Variants in COL18A1 observed in about 807,000 individuals in gnomAD.
COL18A1 encodes collagen type XVIII alpha 1 chain, also known as collagen alpha-1(XVIII) chain.
Under a neutral mutation model 168.0 loss-of-function variants are expected in COL18A1, and 133 were observed. That is an observed-to-expected ratio of 0.79 (90% CI 0.69 to 0.91). The LOEUF (loss-of-function observed/expected upper bound fraction) is 0.91. COL18A1 is among the 40% of genes least tolerant of loss of function. COL18A1 has a pLI of 0.00. For missense variants in COL18A1, 2,126 were observed against 1,925.4 expected, an observed-to-expected ratio of 1.10 and a Z score of -1.95; for synonymous variants, 949 against 809.0, an observed-to-expected ratio of 1.17 and a Z score of -2.94.
intron 2 of COL18A1, among the ~76,000 whole-genome samples, chr21:45,432,543 C>T (rs1569284992): frequency 6.6e-6 from 1 of 152,266 alleles, no homozygotes; most frequent in African/African-American, 2.4e-5. Context: ...TTTCATCACC[C>T]ACTTTTTGGG....
rs746342887 is a variant in COL18A1 at position 45,422,527 on chromosome 21, G to A, written c.106+17054G>A. 1.9e-5 allele frequency: 10 copies of A among 522,482 alleles called. No individual in the cohort carries two copies. In the East Asian group the frequency reaches 2.2e-4, roughly 12 times the overall value. 32.4% of individuals were successfully genotyped at this position (522,482 alleles called of 1,614,324 possible). A position where few individuals can be genotyped will look rare whatever the true frequency, so the allele number is the denominator to read the frequency against. On this transcript the variant is annotated intron_variant, in intron 2 of 41. Coordinates refer to ENST00000651438, the MANE Select transcript of COL18A1 (RefSeq NM_001379500.1). ...GTGGCTGCCTGGCCTGACGCACCTCGCGCCGTGCCAGGACCCGGGCAGGGC... is the reference window on the plus strand; with the variant it reads ...GTGGCTGCCTGGCCTGACGCACCTCACGCCGTGCCAGGACCCGGGCAGGGC...
At chr21:45,506,413 G>T (rs765855148) in intron 37 of COL18A1, 11 of 323,652 alleles carry the variant, frequency 3.4e-5, no homozygotes, top group Non-Finnish European at 5.4e-5. Context: ...GGGATGAAAT[G>T]CATCCTCTCT....
chr21:45,465,169 C>T (rs1036389069), intron 2 of COL18A1, among the ~76,000 whole-genome samples: 5 of 152,226 alleles, frequency 3.3e-5, no homozygotes, highest in South Asian at 4.1e-4. Context: ...TAACAGATGA[C>T]CCTGCAGACA....
chr21:45,495,399 G>T lies in COL18A1; in HGVS notation c.2475G>T (p.Glu825Asp). The change falls in exon 29 of 42, where the codon GAG becomes GAT. Residue 825 changes from glutamate (E) to aspartate (D), a missense_variant. By Grantham distance (45) the Glu-to-Asp change is conservative. Transcript: ENST00000651438. ...GMNGLKGEKGEPGDASLGFGM... is the reference protein window; with the variant it reads ...GMNGLKGEKGDPGDASLGFGM... ...ACGGATTGAAAGGAGAGAAAGGGGA[G>T]CCGGGAGATGCCAGCCTTGGATTTG... 6.2e-7 allele frequency: 1 copy of T among 1,611,714 alleles called. No individual in the cohort carries two copies. Among genetic ancestry groups the T allele is most frequent in the Non-Finnish European group, 8.5e-7 (1 of 1,179,042 alleles).
At chr21:45,422,215 T>C (rs1189535704) in intron 2 of COL18A1, among the ~76,000 whole-genome samples, 1 of 151,858 alleles carries the variant, frequency 6.6e-6, no homozygotes, top group Non-Finnish European at 1.5e-5. Context: ...CACTGTGAGG[T>C]TTAATCTCAG....
At chr21:45,410,274 C>G (rs1312006952) in intron 2 of COL18A1, among the ~76,000 whole-genome samples, 1 of 152,256 alleles carries the variant, frequency 6.6e-6, no homozygotes, top group Non-Finnish European at 1.5e-5. Flanking sequence ...CTGTGGGCCC[C>G]TCGTTCCCAC....
intron 2 of COL18A1, chr21:45,422,477 AG>A (rs769106430): frequency 1.9e-6 from 1 of 530,012 alleles, no homozygotes; most frequent in South Asian, 1.4e-5. Context: ...AATAGATGGC[AG>A]AAGCCAGGAG....
chr21:45,472,756 G>A (rs541405641), intron 3 of COL18A1, among the ~76,000 whole-genome samples: 6 of 152,154 alleles, frequency 3.9e-5, no homozygotes, highest in Non-Finnish European at 8.8e-5. Context: ...CCGCTGGTGC[G>A]TTTTGTGGGA....
At chr21:45,459,041 G>A (rs137999111) in intron 2 of COL18A1, among the ~76,000 whole-genome samples, 126 of 152,338 alleles carry the variant, frequency 8.3e-4, no homozygotes, top group African/African-American at 2.9e-3. Flanking sequence ...GTCCCCGTGC[G>A]AGGGAGGCCG....
intron 41 of COL18A1, among the ~76,000 whole-genome samples, chr21:45,511,859 G>T (rs987668472): frequency 1.3e-5 from 2 of 152,196 alleles, no homozygotes; most frequent in Non-Finnish European, 2.9e-5. Context: ...CCCGGGAGGC[G>T]GAGCTGGTTC....
Position 45,490,272 on chromosome 21 carries a change from C to G in COL18A1, c.1960-3C>G. The G allele has an allele frequency of 6.3e-7, 1 of 1,579,560 alleles. No individual in the cohort carries two copies. The highest frequency in any genetic ancestry group is 8.6e-7 in the Non-Finnish European group (1 of 1,163,442). Reference sequence around the variant, plus strand: ...CCCTGCGTCCTCCATGTGACCCTTTCAGGGAGAAGTTGGAGCAGATGGAGT... The same window carrying G: ...CCCTGCGTCCTCCATGTGACCCTTTGAGGGAGAAGTTGGAGCAGATGGAGT... On this transcript the variant is annotated splice_polypyrimidine_tract_variant and splice_region_variant and intron_variant, in intron 19 of 41. Transcript: ENST00000651438.
chr21:45,504,578 C>T (rs565497967), intron 34 of COL18A1, 22 bp downstream of exon 34: 4 of 1,559,126 alleles, frequency 2.6e-6, no homozygotes, highest in African/African-American at 1.4e-5. Context: ...CCTGTGCAGG[C>T]AGAGCCCATG....
chr21:45,452,745 CGT>C (rs546637711), intron 2 of COL18A1, among the ~76,000 whole-genome samples: 6 of 145,264 alleles, frequency 4.1e-5, no homozygotes, highest in African/African-American at 1.0e-4. Context: ...CATATATGTA[CGT>C]GTGATTGTGT....
At chr21:45,501,374 C>T (rs2036813489) in intron 32 of COL18A1, among the ~76,000 whole-genome samples, 1 of 152,092 alleles carries the variant, frequency 6.6e-6, no homozygotes, top group Non-Finnish European at 1.5e-5. Context: ...GGTCTCCAGG[C>T]CACGTCCCCA....
At position 45,511,287 on chromosome 21, in the gene COL18A1, G is replaced by A. The variant is rs955308617; in HGVS notation, c.3809+61G>A. ...CCCCAGCCAGGGAAGGCGGGCGGGC[G>A]GGCTCCTATCTGCAGTTTCCCCCCG... On this transcript the variant is annotated intron_variant, in intron 41 of 41. Transcript: ENST00000651438. 5.2e-5 allele frequency: 47 copies of A among 905,460 alleles called. No homozygotes were observed. The East Asian group carries it at 5.5e-4, about 11-fold the overall frequency. 56.1% of individuals were successfully genotyped at this position (905,460 alleles called of 1,614,324 possible).
rs538810034 is a variant in COL18A1 at position 45,446,282 on chromosome 21, C to T, written c.107-21960C>T. ...AACCCTCAGTTCCACTGCACCGATGCGTGTGTCTGTCCTTGCGCCACTCCC... is the reference window on the plus strand; with the variant it reads ...AACCCTCAGTTCCACTGCACCGATGTGTGTGTCTGTCCTTGCGCCACTCCC... On this transcript the variant is annotated intron_variant, in intron 2 of 41. Transcript: ENST00000651438. Among the ~76,000 whole-genome samples, 22 of 152,332 alleles carry T rather than the reference C, an allele frequency of 1.4e-4. No individual in the cohort carries two copies. In the East Asian group the frequency reaches 2.5e-3, roughly 17 times the overall value.
intron 38 of COL18A1, among the ~76,000 whole-genome samples, chr21:45,508,125 G>A (rs73370874): frequency 0.016 from 2,448 of 151,256 alleles, 60 homozygotes; most frequent in African/African-American, 0.057. Context: ...GTGAGTGGAC[G>A]GGTGGGTGGG....
rs1475466145 is a variant in COL18A1 at position 45,497,600 on chromosome 21, G to A, written c.2622G>A (p.Gly874=). Residue 874 remains glycine, a splice_region_variant and synonymous_variant, in exon 32 of 42, where the codon GGG becomes GGA. Coordinates refer to ENST00000651438, the MANE Select transcript of COL18A1 (RefSeq NM_001379500.1). ...GGCACTGGGTCTCTCTTCCTCCAGG[G>A]AATCAGGGCCCTCCAGGACCCAAGG... ...SSRPGPPGLP[G]NQGPPGPKGA... The A allele has an allele frequency of 1.3e-6, 2 of 1,561,124 alleles. No homozygotes were observed. The highest frequency in any genetic ancestry group is 2.4e-5 in the East Asian group (1 of 41,626).
chr21:45,488,935 G>A (rs2036206008), intron 18 of COL18A1, among the ~76,000 whole-genome samples: 1 of 151,974 alleles, frequency 6.6e-6, no homozygotes, highest in Non-Finnish European at 1.5e-5. Flanking sequence ...AGCTCCCAGG[G>A]CAGGTGCCTG....
Sources: gnomAD v4.1 joint callset for allele counts (sites outside exome capture counted in the v4.1 genomes callset) on GRCh38, gnomAD v4.1.1 for gene constraint, MANE v1.5 for transcripts, NCBI Gene and HGNC (gene_info 2026-07-23, HGNC 2026-07-21) for gene names.